Variants in MUC12 observed in about 807,000 individuals in gnomAD.
The protein encoded by MUC12 is mucin-12.
MUC12 carries 172 observed loss-of-function variants against 230.8 expected under a neutral mutation model. The ratio of observed to expected loss-of-function variants is 0.75; its 90% CI spans 0.66 to 0.85. The LOEUF (loss-of-function observed/expected upper bound fraction) is 0.85. MUC12 is among the 40% of genes least tolerant of loss of function. The pLI, the probability that MUC12 is intolerant of heterozygous loss-of-function variation, is 0.00. For synonymous variants in MUC12, 1,259 were observed against 2,401.9 expected (o/e 0.52, Z 13.91); for missense variants, 3,506 against 5,920.6 (o/e 0.59, Z 13.38).
Position 100,995,583 on chromosome 7 carries a change from C to G in MUC12, c.5020C>G (p.Leu1674Val), listed in dbSNP as rs1318799729. Residue 1674 changes from leucine to valine, a missense_variant, in exon 2 of 12, where the codon CTG becomes GTG. Transcript: ENST00000536621. ...HSSTGSPHTT[L>V]SPAGSTTRQG... Reference sequence around the variant, plus strand: ...CAGCACTGGATCGCCACACACAACACTGTCCCCTGCCGGCTCTACAACACG... The same window carrying G: ...CAGCACTGGATCGCCACACACAACAGTGTCCCCTGCCGGCTCTACAACACG... 17 of 1,536,880 alleles carry G rather than the reference C, an allele frequency of 1.1e-5. No individual in the cohort carries two copies. Among genetic ancestry groups the G allele is most frequent in the African/African-American group, 4.2e-5 (3 of 72,250 alleles).
At chr7:100,984,259 CTTTTTT>C (rs34134351) in intron 1 of MUC12, among the ~76,000 whole-genome samples, 1 of 139,728 alleles carries the variant, frequency 7.2e-6, no homozygotes, top group Non-Finnish European at 1.6e-5. Flanking sequence ...TACTTTGCAT[CTTTTTT>C]TTTTTTTTTT....
At chr7:101,013,221 T>C in intron 8 of MUC12, 79 bp downstream of exon 8, 1 of 1,486,894 alleles carries the variant, frequency 6.7e-7, no homozygotes, top group Non-Finnish European at 9.0e-7. Context: ...ACCCACAGGG[T>C]TGGGGGATTG....
At chr7:101,013,839 A>G in intron 8 of MUC12, 74 bp from the exon 9 acceptor site, 1 of 1,442,814 alleles carries the variant, frequency 6.9e-7, no homozygotes, top group South Asian at 1.4e-5. Context: ...TGTGCTTAGG[A>G]GAGTGGGTTA....
Position 101,017,589 on chromosome 7 carries a change from G to C in MUC12, c.15892G>C (p.Glu5298Gln). The part of the protein sequence containing the change: ...TAIWEDQNLR[E>Q]SRFGLENAYN... ...TCTCCCTACAGACCAGAATCTGAGG[G>C]AGAGCAGATTCGGCCTTGAGAACGC... The change falls in exon 11 of 12, where the codon GAG (glutamate) becomes CAG (glutamine). Residue 5298 changes from glutamate (E) to glutamine (Q), a missense_variant. Physicochemically the swap from Glu to Gln is conservative, Grantham distance 29 (BLOSUM62 2). Coordinates refer to ENST00000536621, the MANE Select transcript of MUC12 (RefSeq NM_001164462.2). 6.5e-7 allele frequency: 1 copy of C among 1,535,754 alleles called. No homozygotes were observed. Among genetic ancestry groups the C allele is most frequent in the Non-Finnish European group, 8.7e-7 (1 of 1,145,916 alleles).
chr7:100,971,313 T>C (rs1289457875), intron 1 of MUC12, among the ~76,000 whole-genome samples: 1 of 152,288 alleles, frequency 6.6e-6, no homozygotes. Context: ...GAACAGACTT[T>C]CTGATTCCTT....
In MUC12 at chr7:100,991,123, C is replaced by A. The variant is rs919975714; in HGVS notation, c.560C>A (p.Pro187Gln). 3 of 1,537,824 alleles carry A rather than the reference C, an allele frequency of 2.0e-6. No homozygotes were observed. Among genetic ancestry groups the A allele is most frequent in the Non-Finnish European group, 2.6e-6 (3 of 1,147,038 alleles). ...TIAFPDSTTM[P>Q]GVSQESTASH... ...GCGTTCCCTGACAGTACCACCATGC[C>A]AGGCGTCAGTCAGGAATCTACAGCT... is the stretch of plus-strand genomic sequence containing the variant. The change falls in exon 2 of 12, where the codon CCA (proline) becomes CAA (glutamine). Residue 187 changes from proline to glutamine, a missense_variant. Pro to Gln is a moderately conservative substitution (Grantham distance 76). Coordinates refer to ENST00000536621, the MANE Select transcript of MUC12 (RefSeq NM_001164462.2).
intron 1 of MUC12, among the ~76,000 whole-genome samples, chr7:100,984,930 G>A (rs1359819899): frequency 2.0e-5 from 3 of 152,032 alleles, no homozygotes; most frequent in Admixed American, 6.6e-5. Context: ...AGTGGCTCAC[G>A]ATCTCGGCTC....
chr7:101,014,050 G>A lies in MUC12; in HGVS notation c.15776G>A (p.Ser5259Asn). ...LALIILIILF[S>N]LSQRKRHREQ... is the part of the protein sequence containing the mutation. Reference sequence around the variant, plus strand: ...TTGATCATCCTAATCATCTTATTCAGCCTATCCCAGAGAAAACGGCACAGG... The same window carrying A: ...TTGATCATCCTAATCATCTTATTCAACCTATCCCAGAGAAAACGGCACAGG... The change falls in exon 9 of 12, where the codon AGC (serine) becomes AAC (asparagine). Residue 5259 changes from serine (S) to asparagine (N), a missense_variant. Physicochemically the swap from Ser to Asn is conservative, Grantham distance 46. Coordinates refer to ENST00000536621, the MANE Select transcript of MUC12 (RefSeq NM_001164462.2). 5 of 1,535,692 alleles carry A rather than the reference G, an allele frequency of 3.3e-6. No homozygotes were observed. Among genetic ancestry groups the A allele is most frequent in the Non-Finnish European group, 4.4e-6 (5 of 1,146,068 alleles).
Position 101,017,574 on chromosome 7 carries a change from G to C in MUC12, c.15878-1G>C. On this transcript the variant is annotated splice_acceptor_variant, in intron 10 of 11. Transcript: ENST00000536621. LOFTEE classifies it high-confidence loss of function. ...TCACTCATCACGGCCTCTCCCTACA[G>C]ACCAGAATCTGAGGGAGAGCAGATT... 1 of 1,533,438 alleles carries C rather than the reference G, an allele frequency of 6.5e-7. No homozygotes were observed. Among genetic ancestry groups the C allele is most frequent in the African/African-American group, 1.4e-5 (1 of 72,920 alleles). 95.0% of individuals were successfully genotyped at this position (1,533,438 alleles called of 1,614,324 possible).
At position 101,015,679 on chromosome 7, in the gene MUC12, G is replaced by A. The variant is rs866398251; in HGVS notation, c.15865G>A (p.Ala5289Thr). The A allele has an allele frequency of 6.5e-7, 1 of 1,537,488 alleles. No individual in the cohort carries two copies. Among genetic ancestry groups the A allele is most frequent in the Non-Finnish European group, 8.7e-7 (1 of 1,146,924 alleles). ...EGTPGIFQKT[A>T]IWEDQNLRES... ...CACCCCTGGCATCTTCCAGAAGACG[G>A]CCATCTGGGAAGGTACCTCTAGTTA... Residue 5289 changes from alanine to threonine, a missense_variant, in exon 10 of 12, where the codon GCC becomes ACC. Physicochemically the swap from Ala to Thr is moderately conservative, Grantham distance 58. Transcript: ENST00000536621.
chr7:101,009,732 G>A (rs541853480), intron 5 of MUC12, among the ~76,000 whole-genome samples: 2 of 152,334 alleles, frequency 1.3e-5, no homozygotes, highest in East Asian at 3.9e-4. Context: ...ATGATCCAGA[G>A]AGAGGGAAGG....
intron 1 of MUC12, among the ~76,000 whole-genome samples, chr7:100,979,706 A>T (rs140927843): frequency 0.4 from 60,752 of 151,656 alleles, 12,603 homozygotes; most frequent in East Asian, 0.58. Context: ...AACCTGGGAG[A>T]CAGAGGTTGC....
intron 5 of MUC12, 22 bp downstream of exon 5, chr7:101,009,181 T>C (rs1326191312): frequency 6.5e-7 from 1 of 1,533,680 alleles, no homozygotes; most frequent in Admixed American, 2.0e-5. Context: ...GGGGGGCAGG[T>C]TTATAGATGT....
intron 1 of MUC12, among the ~76,000 whole-genome samples, chr7:100,988,289 GAAAAAAAAAAAAAA>G (rs1167163725): frequency 3.8e-5 from 3 of 78,732 alleles, no homozygotes; most frequent in African/African-American, 9.2e-5. Context: ...GGCTGTCCCA[GAAAAAAAAAAAAAA>G]AAAAAAAAGA....
rs1315770368 is a variant in MUC12, at chr7:100,991,398, C to G, written c.835C>G (p.Gln279Glu). The G allele has an allele frequency of 2.0e-6, 3 of 1,537,736 alleles. No homozygotes were observed. Residue 279 changes from glutamine (Q) to glutamate (E), a missense_variant, in exon 2 of 12, where the codon CAG becomes GAG. Coordinates refer to ENST00000536621, the MANE Select transcript of MUC12 (RefSeq NM_001164462.2). ...TTHEGEPTTF[Q>E]SWPSSKDTSP... ...CCATGAGGGAGAACCTACCACCTTC[C>G]AGAGCTGGCCAAGCTCAAAGGACAC...
Position 100,991,870 on chromosome 7 carries a change from A to C in MUC12, c.1307A>C (p.Glu436Ala). The change falls in exon 2 of 12, where the codon GAA becomes GCA. Residue 436 changes from glutamate (E) to alanine (A), a missense_variant. Coordinates refer to ENST00000536621, the MANE Select transcript of MUC12 (RefSeq NM_001164462.2). The part of the protein sequence containing the change: ...DSSTISGRSE[E>A]SKASHSSPDA... ...TCCACAATCTCAGGCCGTAGTGAGG[A>C]ATCAAAAGCATCCCACAGCAGCCCA... 8.5e-6 allele frequency: 13 copies of C among 1,537,672 alleles called. No homozygotes were observed. Among genetic ancestry groups the C allele is most frequent in the Non-Finnish European group, 9.6e-6 (11 of 1,146,832 alleles).
intron 1 of MUC12, among the ~76,000 whole-genome samples, chr7:100,987,162 G>C (rs1793203944): frequency 6.8e-6 from 1 of 147,266 alleles, no homozygotes; most frequent in Non-Finnish European, 1.5e-5. Flanking sequence ...TGCCTCCCTG[G>C]TTCAAGCGAC....
chr7:100,969,633 T>C lies in MUC12; in HGVS notation c.11T>C (p.Ile4Thr). ...CCCGTTCCCCGGGAGATGCTGGTGA[T>C]CTGGATTCTGACGCTGGCTCTCCGG... The part of the protein sequence containing the change: MLV[I>T]WILTLALRLC... Residue 4 changes from isoleucine to threonine, a missense_variant, in exon 1 of 12, where the codon ATC (isoleucine) becomes ACC (threonine). Transcript: ENST00000536621. The C allele has an allele frequency of 6.5e-7, 1 of 1,537,446 alleles. No individual in the cohort carries two copies. The highest frequency in any genetic ancestry group is 1.2e-5 in the South Asian group (1 of 84,070).
Position 101,006,525 on chromosome 7 carries a change from G to T in MUC12, c.15011G>T (p.Gly5004Val), listed in dbSNP as rs994203172. 6.5e-7 allele frequency: 1 copy of T among 1,537,224 alleles called. No individual in the cohort carries two copies. Among genetic ancestry groups the T allele is most frequent in the South Asian group, 1.2e-5 (1 of 84,054 alleles). ...GGAAAACAATGCGTCTGTCCCCAAG[G>T]CTACGTTGGTTACCAGTGCTTGTCC... ...WNGKQCVCPQ[G>V]YVGYQCLSPL... Residue 5004 changes from glycine to valine, a missense_variant, in exon 3 of 12, where the codon GGC (glycine) becomes GTC (valine). Transcript: ENST00000536621.
Sources: gnomAD v4.1 joint callset for allele counts (sites outside exome capture counted in the v4.1 genomes callset) on GRCh38, gnomAD v4.1.1 for gene constraint, MANE v1.5 for transcripts, NCBI Gene and HGNC (gene_info 2026-07-23, HGNC 2026-07-21) for gene names.